The following PPP1R1C variants were observed in gnomAD, a reference collection of about 807,000 sequenced individuals.
PPP1R1C encodes the protein protein phosphatase 1 regulatory inhibitor subunit 1C.
PPP1R1C carries 15 observed loss-of-function variants against 17.4 expected under a neutral mutation model. That is an observed-to-expected ratio of 0.86 (90% CI 0.58 to 1.33). The LOEUF (loss-of-function observed/expected upper bound fraction) is 1.33. Ranked by LOEUF, PPP1R1C falls within the 40% of genes most tolerant of loss-of-function variation. The probability of loss-of-function intolerance (pLI) is 0.00; values close to 1 mark genes in which losing one functional copy is unlikely to be tolerated. For synonymous variants in PPP1R1C, 35 were observed against 43.1 expected (o/e 0.81, Z 0.73); for missense variants, 143 against 130.0 (o/e 1.10, Z -0.48).
intron 1 of PPP1R1C, among the ~76,000 whole-genome samples, chr2:181,963,013 A>G (rs970823645): frequency 6.6e-6 from 1 of 152,318 alleles, no homozygotes; most frequent in East Asian, 1.9e-4. Flanking sequence ...AATAAAAGTT[A>G]TTTGTAAACC....
At chr2:181,966,931 G>C (rs1176470368) in intron 1 of PPP1R1C, among the ~76,000 whole-genome samples, 1 of 152,116 alleles carries the variant, frequency 6.6e-6, no homozygotes, top group Admixed American at 6.5e-5. Context: ...GAAGCCATGG[G>C]GGGTGCTTGG....
chr2:182,033,321 G>A (rs912038291), intron 2 of PPP1R1C, among the ~76,000 whole-genome samples: 2 of 152,096 alleles, frequency 1.3e-5, no homozygotes, highest in Admixed American at 6.5e-5. Flanking sequence ...GTCTAAAACT[G>A]TCAGTCATAT....
At chr2:182,087,066 C>A (rs2125217943) in intron 4 of PPP1R1C, among the ~76,000 whole-genome samples, 1 of 152,308 alleles carries the variant, frequency 6.6e-6, no homozygotes, top group Middle Eastern at 3.4e-3. Context: ...ACCAGGAAAT[C>A]CCACTGGCTC....
chr2:181,985,374 T>G (rs952634598), upstream of PPP1R1C, among the ~76,000 whole-genome samples: 3 of 152,216 alleles, frequency 2.0e-5, no homozygotes, highest in African/African-American at 7.2e-5. The surrounding 1 kb of genome is among the most constrained non-coding windows in gnomAD (Gnocchi z 4.1). Flanking sequence ...TTGTTAATTA[T>G]GAAGATGGAA....
intron 2 of PPP1R1C, among the ~76,000 whole-genome samples, chr2:182,040,301 C>T (rs1034149094): frequency 2.0e-5 from 3 of 152,174 alleles, no homozygotes; most frequent in African/African-American, 7.2e-5. Flanking sequence ...CTCACCACAT[C>T]CATACCAACA....
chr2:182,032,840 C>T (rs1168318390), intron 2 of PPP1R1C, among the ~76,000 whole-genome samples: 2 of 152,160 alleles, frequency 1.3e-5, no homozygotes, highest in Non-Finnish European at 2.9e-5. Context: ...TTAATGCTTT[C>T]TCCTTAAGTT....
chr2:181,982,503 CA>C (rs1408457533), upstream of PPP1R1C, among the ~76,000 whole-genome samples: 1 of 151,876 alleles, frequency 6.6e-6, no homozygotes, highest in Non-Finnish European at 1.5e-5. Flanking sequence ...GGAGAAGAGG[CA>C]AAAGAAACAC....
chr2:182,000,303 G>A (rs1188496218), intron 2 of PPP1R1C, among the ~76,000 whole-genome samples: 1 of 152,168 alleles, frequency 6.6e-6, no homozygotes, highest in African/African-American at 2.4e-5. Flanking sequence ...TAGAAACGGG[G>A]TTGGTCTAAA....
intron 4 of PPP1R1C, among the ~76,000 whole-genome samples, chr2:182,097,538 G>A (rs536089948): frequency 6.6e-6 from 1 of 152,242 alleles, no homozygotes; most frequent in African/African-American, 2.4e-5. Flanking sequence ...TACTGGGATG[G>A]GGACTAAGAA....
chr2:181,955,743 A>G (rs935303704), intron 1 of PPP1R1C, among the ~76,000 whole-genome samples: 4 of 152,226 alleles, frequency 2.6e-5, no homozygotes, highest in African/African-American at 7.2e-5. Context: ...TCTTTTTCAT[A>G]AATAACACTT....
chr2:181,982,284 A>T (rs1685207697), upstream of PPP1R1C, among the ~76,000 whole-genome samples: 1 of 152,208 alleles, frequency 6.6e-6, no homozygotes, highest in African/African-American at 2.4e-5. Context: ...TGGTATTTGG[A>T]GGCAGTTACT....
intron 1 of PPP1R1C, among the ~76,000 whole-genome samples, chr2:181,955,732 A>G (rs1053967965): frequency 6.6e-6 from 1 of 152,318 alleles, no homozygotes; most frequent in East Asian, 1.9e-4. Context: ...CTTATACACT[A>G]TCTTTTTCAT....
At chr2:182,080,303 C>T (rs143435521) in intron 4 of PPP1R1C, among the ~76,000 whole-genome samples, 7 of 152,304 alleles carry the variant, frequency 4.6e-5, no homozygotes, top group East Asian at 3.9e-4. Flanking sequence ...CATCCCCAAA[C>T]GAAAACCAGG....
At chr2:182,035,294 G>T (rs1287155737) in intron 2 of PPP1R1C, among the ~76,000 whole-genome samples, 1 of 152,166 alleles carries the variant, frequency 6.6e-6, no homozygotes, top group African/African-American at 2.4e-5. Context: ...ACATTCAAAT[G>T]CCTAAGTAAA....
chr2:182,128,132 G>C (rs1403291840), intron 5 of PPP1R1C, among the ~76,000 whole-genome samples: 1 of 152,052 alleles, frequency 6.6e-6, no homozygotes, highest in Non-Finnish European at 1.5e-5. Context: ...CATTGTTTAA[G>C]TGCTGCTGAT....
rs752284267 is a variant in PPP1R1C, at chr2:181,962,780, T to G, written n.111+8146T>G. 8.5e-5 allele frequency among the ~76,000 whole-genome samples: 13 copies of G among 152,204 alleles called. No homozygotes were observed. Among genetic ancestry groups the G allele is most frequent in the Non-Finnish European group, 1.8e-4 (12 of 68,026 alleles). On this transcript the variant is annotated intron_variant and non_coding_transcript_variant, in intron 1 of 5. Transcript: ENST00000464264. The surrounding 1 kb of genome is among the most constrained non-coding windows in gnomAD (Gnocchi z 6.0). ...TAGGAGAGTCCCTTTTGTATGAGAC[T>G]GTGGCTGGAGATAAAGGAAAGCGGA...
At chr2:181,968,887 A>C (rs535674100) in intron 1 of PPP1R1C, among the ~76,000 whole-genome samples, 2 of 151,964 alleles carry the variant, frequency 1.3e-5, no homozygotes, top group African/African-American at 4.8e-5. Flanking sequence ...ATTTGAGGTT[A>C]CTTGAGGCTT....
rs766925209 is a variant in PPP1R1C at position 181,986,093 on chromosome 2, C to G, written c.-18C>G. The G allele has an allele frequency of 3.1e-6, 5 of 1,605,146 alleles. No homozygotes were observed. In the East Asian group the frequency reaches 6.7e-5, roughly 21 times the overall value. On this transcript the variant is annotated 5_prime_UTR_variant, in exon 1 of 5. Coordinates refer to ENST00000682840, the MANE Select transcript of PPP1R1C (RefSeq NM_001080545.3). ...CTTTCTGAGCTCTTCACATCTCTGACTAATTATCATCATTACCATGGAGCC... is the reference window on the plus strand; with the variant it reads ...CTTTCTGAGCTCTTCACATCTCTGAGTAATTATCATCATTACCATGGAGCC...
At chr2:182,053,163 T>C (rs1687577521) in intron 2 of PPP1R1C, among the ~76,000 whole-genome samples, 1 of 152,204 alleles carries the variant, frequency 6.6e-6, no homozygotes, top group Non-Finnish European at 1.5e-5. Context: ...GCTCTTAGAG[T>C]AGGACAAAAT....
Sources: allele counts gnomAD v4.1 joint callset (sites outside exome capture counted in the v4.1 genomes callset), GRCh38; gene constraint gnomAD v4.1.1; non-coding constraint Gnocchi (gnomAD v3.1); transcripts MANE v1.5; gene names NCBI Gene and HGNC (gene_info 2026-07-23, HGNC 2026-07-21).